The following TCOF1 variants were observed in gnomAD, a reference collection of about 807,000 sequenced individuals.
TCOF1 encodes the protein treacle protein.
Under a neutral mutation model 149.0 loss-of-function variants are expected in TCOF1, and 33 were observed. The ratio of observed to expected loss-of-function variants is 0.22; its 90% CI spans 0.17 to 0.30. TCOF1 has a LOEUF of 0.30. TCOF1 is among the 10% of genes least tolerant of loss of function. The probability of loss-of-function intolerance (pLI) is 1.00; values close to 1 mark genes in which losing one functional copy is unlikely to be tolerated. For synonymous variants in TCOF1, 789 were observed against 738.8 expected, an observed-to-expected ratio of 1.07 and a Z score of -1.10; for missense variants, 1,728 against 1,840.7, an observed-to-expected ratio of 0.94 and a Z score of 1.12.
At chr5:150,374,470 G>A (rs1763254018) in intron 8 of TCOF1, 84 bp downstream of exon 8, 2 of 1,549,632 alleles carry the variant, frequency 1.3e-6, no homozygotes, top group African/African-American at 2.7e-5. Context: ...CTCTGGGCCA[G>A]AGCCCCGGGC....
At position 150,374,288 on chromosome 5, in the gene TCOF1, C is replaced by T. The variant is rs119470016; in HGVS notation, c.985C>T (p.Gln329Ter). ...TGGGAAGGCAGGGGCTGTAGCCTCC[C>T]AGACCAAGGCAGGGAAGCCAGAGGA... ...PPGKAGAVAS[Q>*]TKAGKPEEDS... The change falls in exon 8 of 27, where the codon CAG becomes TAG. Residue 329 changes from glutamine (Q) to a stop codon, truncating the protein, a stop_gained. Coordinates refer to ENST00000643257, the MANE Select transcript of TCOF1 (RefSeq NM_001371623.1). LOFTEE classifies it high-confidence loss of function. The T allele has an allele frequency of 6.3e-7, 1 of 1,591,696 alleles. No individual in the cohort carries two copies. Among genetic ancestry groups the T allele is most frequent in the Non-Finnish European group, 8.6e-7 (1 of 1,168,592 alleles).
intron 18 of TCOF1, 84 bp from the exon 19 acceptor site, chr5:150,389,803 G>C: frequency 6.2e-7 from 1 of 1,608,632 alleles, no homozygotes; most frequent in Admixed American, 1.7e-5. Flanking sequence ...CACCAGCACA[G>C]GCCGGTAAAT....
chr5:150,361,766 C>T (rs886700890), intron 2 of TCOF1, among the ~76,000 whole-genome samples: 1 of 152,112 alleles, frequency 6.6e-6, no homozygotes, highest in African/African-American at 2.4e-5. Flanking sequence ...GAGGAGTGAA[C>T]TATGCAGTGG....
chr5:150,360,944 C>G (rs1225011949), intron 1 of TCOF1, among the ~76,000 whole-genome samples: 1 of 151,950 alleles, frequency 6.6e-6, no homozygotes, highest in Admixed American at 6.6e-5. Flanking sequence ...CTATGTTGCC[C>G]AGACTGGTCT....
At chr5:150,367,632 T>C (rs963412678) in intron 3 of TCOF1, 1 of 602,324 alleles carries the variant, frequency 1.7e-6, no homozygotes, top group African/African-American at 1.8e-5. Context: ...GACACATAGC[T>C]TCATGTTACC....
At position 150,372,010 on chromosome 5, in the gene TCOF1, A is replaced by G. The variant is rs755429817; in HGVS notation, c.644A>G (p.Lys215Arg). 12 of 1,613,952 alleles carry G rather than the reference A, an allele frequency of 7.4e-6. No homozygotes were observed. The South Asian group carries it at 1.3e-4, about 18-fold the overall frequency. Residue 215 changes from lysine to arginine, a missense_variant, in exon 7 of 27, where the codon AAA (lysine) becomes AGA (arginine). Transcript: ENST00000643257. ...AATTCCATCCTCTTGTTCCAGGGGA[A>G]ACCCTCAGTAAAACCAGCCCAGGTC... ...SSSDETDVEGKPSVKPAQVKA... is the reference protein window; with the variant it reads ...SSSDETDVEGRPSVKPAQVKA...
chr5:150,371,999 G>T lies in TCOF1; in HGVS notation c.640-7G>T, dbSNP rs766782407. The T allele has an allele frequency of 2.2e-5, 35 of 1,611,260 alleles. No homozygotes were observed. The Admixed American group carries it at 5.0e-4, about 23-fold the overall frequency. On this transcript the variant is annotated splice_region_variant and splice_polypyrimidine_tract_variant and intron_variant, in intron 6 of 26. Transcript: ENST00000643257. ...ATTCATTTTCTAATTCCATCCTCTTGTTCCAGGGGAAACCCTCAGTAAAAC... is the reference window on the plus strand; with the variant it reads ...ATTCATTTTCTAATTCCATCCTCTTTTTCCAGGGGAAACCCTCAGTAAAAC...
chr5:150,361,146 C>T lies in TCOF1; in HGVS notation c.109-10C>T, dbSNP rs199974984. On this transcript the variant is annotated splice_polypyrimidine_tract_variant and intron_variant, in intron 1 of 26. Coordinates refer to ENST00000643257, the MANE Select transcript of TCOF1 (RefSeq NM_001371623.1). Reference sequence around the variant, plus strand: ...GGATTAATTGTGGCTTTCTCTTTACCTCTCTGCAGAAGTGTTTCCTGGCTC... The same window carrying T: ...GGATTAATTGTGGCTTTCTCTTTACTTCTCTGCAGAAGTGTTTCCTGGCTC... 8 of 1,614,154 alleles carry T rather than the reference C, an allele frequency of 5.0e-6. No homozygotes were observed. The Admixed American group carries it at 8.3e-5, about 17-fold the overall frequency.
At chr5:150,397,280 G>A (rs1027024152) in intron 24 of TCOF1, among the ~76,000 whole-genome samples, 41 of 151,856 alleles carry the variant, frequency 2.7e-4, no homozygotes, top group African/African-American at 7.7e-4. Flanking sequence ...CCAGAAGGAC[G>A]AGGAGTCATG....
Position 150,393,485 on chromosome 5 carries a change from A to G in TCOF1, c.3717A>G (p.Lys1239=). 6.2e-7 allele frequency: 1 copy of G among 1,614,236 alleles called. No homozygotes were observed. The highest frequency in any genetic ancestry group is 2.2e-5 in the East Asian group (1 of 44,890). The change falls in exon 23 of 27, where the codon AAA becomes AAG. Residue 1239 remains lysine, a synonymous_variant. Transcript: ENST00000643257. ...CAGTTTCCTCTACTCTGGCCGCCAA[A>G]GATGACCCAGATGGCAAGCAGGAGG... is the stretch of plus-strand genomic sequence containing the variant. The part of the protein sequence containing the change: ...SPSVSSTLAA[K]DDPDGKQEAK...
intron 19 of TCOF1, among the ~76,000 whole-genome samples, 157 bp from the exon 20 acceptor site, chr5:150,391,387 G>C (rs181226615): frequency 3.3e-5 from 5 of 152,122 alleles, no homozygotes; most frequent in Admixed American, 6.5e-5. Context: ...AATGTGATTC[G>C]CTCATAACCT....
intron 1 of TCOF1, among the ~76,000 whole-genome samples, chr5:150,360,745 T>TC (rs1212257083): frequency 6.6e-6 from 1 of 151,448 alleles, no homozygotes; most frequent in Non-Finnish European, 1.5e-5. Flanking sequence ...TTTTTTTTTT[T>TC]TTTTTTTTAA....
intron 3 of TCOF1, chr5:150,364,845 T>A (rs1225426983): frequency 1.3e-5 from 2 of 153,594 alleles, no homozygotes; most frequent in African/African-American, 4.8e-5. Context: ...CTTTGCATCG[T>A]ATTATCTTCT....
chr5:150,395,150 G>A (rs528417290), intron 23 of TCOF1, among the ~76,000 whole-genome samples: 39 of 152,308 alleles, frequency 2.6e-4, no homozygotes, highest in African/African-American at 8.9e-4. Flanking sequence ...GCCAAAAGTC[G>A]CCAGAAATCC....
At chr5:150,380,123 A>T (rs1764798617) in intron 17 of TCOF1, 1 of 252,090 alleles carries the variant, frequency 4.0e-6, no homozygotes, top group African/African-American at 2.3e-5. Flanking sequence ...GTTTAGGGCC[A>T]GGTAAGGAAA....
intron 26 of TCOF1, 131 bp downstream of exon 26, chr5:150,399,201 T>A: frequency 7.8e-7 from 1 of 1,288,598 alleles, no homozygotes; most frequent in Admixed American, 1.9e-5. Context: ...AGAGGTTCTG[T>A]TGCCAAGGGT....
intron 23 of TCOF1, among the ~76,000 whole-genome samples, chr5:150,395,309 C>T (rs1768234191): frequency 6.6e-6 from 1 of 152,232 alleles, no homozygotes; most frequent in South Asian, 2.1e-4. Context: ...CACCAAGCCA[C>T]CTTTCAGAGC....
At chr5:150,378,704 G>A (rs1014192665) in intron 14 of TCOF1, 1 of 661,768 alleles carries the variant, frequency 1.5e-6, no homozygotes, top group Non-Finnish European at 2.6e-6. Flanking sequence ...ATAACCCGTA[G>A]GTGGGCCTTA....
At chr5:150,368,926 AC>A (rs1761944447) in intron 5 of TCOF1, 24 bp downstream of exon 5, 1 of 1,612,788 alleles carries the variant, frequency 6.2e-7, no homozygotes, top group Admixed American at 1.7e-5. Flanking sequence ...ACCTCTAGGA[AC>A]CTAGTCCCCA....
Sources: gnomAD v4.1 joint callset for allele counts (sites outside exome capture counted in the v4.1 genomes callset) on GRCh38, gnomAD v4.1.1 for gene constraint, MANE v1.5 for transcripts, NCBI Gene and HGNC (gene_info 2026-07-23, HGNC 2026-07-21) for gene names.